GRIA4: variants seen among roughly 807,000 people sequenced by gnomAD.
GRIA4 encodes glutamate ionotropic receptor AMPA type subunit 4, also known as glutamate receptor 4.
GRIA4 carries 34 observed loss-of-function variants against 104.0 expected under a neutral mutation model. That is an observed-to-expected ratio of 0.33 (90% confidence interval 0.25 to 0.44). The LOEUF (loss-of-function observed/expected upper bound fraction) is 0.44, where lower values mean the gene tolerates loss of function less well. Among genes scored for constraint, GRIA4 ranks in the 20% least tolerant of loss-of-function variants. GRIA4 has a pLI of 1.00. For synonymous variants in GRIA4, 386 were observed against 381.9 expected (o/e 1.01, Z -0.13); for missense variants, 750 against 1,096.5 (o/e 0.68, Z 4.46).
intron 5 of GRIA4, 129 bp from the exon 6 acceptor site, chr11:105,887,390 T>C: frequency 2.0e-6 from 1 of 503,864 alleles, no homozygotes; most frequent in East Asian, 3.4e-5. Context: ...ACGTGACTTT[T>C]ATTTTTTAAA....
intron 5 of GRIA4, among the ~76,000 whole-genome samples, chr11:105,876,648 G>A (rs1945834326): frequency 6.6e-6 from 1 of 152,160 alleles, no homozygotes; most frequent in Non-Finnish European, 1.5e-5. Context: ...TTGTTGCATT[G>A]ATCCCTTTAC....
intron 11 of GRIA4, 125 bp downstream of exon 11, chr11:105,919,043 A>G: frequency 3.2e-6 from 2 of 629,540 alleles, no homozygotes; most frequent in Non-Finnish European, 5.7e-6. Flanking sequence ...AGAGGCACAT[A>G]CAGTGTTTAA....
intron 4 of GRIA4, among the ~76,000 whole-genome samples, chr11:105,785,555 T>G (rs1452438013): frequency 6.6e-6 from 1 of 152,172 alleles, no homozygotes; most frequent in Non-Finnish European, 1.5e-5. Context: ...ACCAGGCAGA[T>G]GTTGATGTAC....
chr11:105,716,366 C>T (rs1954089377), intron 3 of GRIA4, among the ~76,000 whole-genome samples: 1 of 152,050 alleles, frequency 6.6e-6, no homozygotes, highest in African/African-American at 2.4e-5. Context: ...GTATATAATT[C>T]AAATTACTTT....
chr11:105,917,064 A>C (rs1422327264), intron 10 of GRIA4, among the ~76,000 whole-genome samples: 1 of 152,148 alleles, frequency 6.6e-6, no homozygotes, highest in African/African-American at 2.4e-5. Flanking sequence ...TTATAACCAC[A>C]ATTCACCAAT....
intron 4 of GRIA4, among the ~76,000 whole-genome samples, chr11:105,835,334 T>A: frequency 6.6e-6 from 1 of 152,050 alleles, no homozygotes; most frequent in South Asian, 2.1e-4. Flanking sequence ...ACTAATACAT[T>A]TATATGATAT....
At chr11:105,848,643 C>A in intron 4 of GRIA4, among the ~76,000 whole-genome samples, 1 of 152,232 alleles carries the variant, frequency 6.6e-6, no homozygotes, top group Non-Finnish European at 1.5e-5. Context: ...TGGTGGGAAA[C>A]TAATGGTGCA....
At chr11:105,843,665 C>A (rs902326608) in intron 4 of GRIA4, among the ~76,000 whole-genome samples, 4 of 152,146 alleles carry the variant, frequency 2.6e-5, no homozygotes, top group Non-Finnish European at 4.4e-5. Flanking sequence ...AGTTCCTGGC[C>A]CTCAGTTCTA....
chr11:105,835,710 C>T (rs1944154335), intron 4 of GRIA4, among the ~76,000 whole-genome samples: 1 of 151,900 alleles, frequency 6.6e-6, no homozygotes, highest in Admixed American at 6.6e-5. Context: ...TTTTAATCAA[C>T]ATGAAAAAGA....
intron 4 of GRIA4, among the ~76,000 whole-genome samples, chr11:105,816,587 C>T (rs904799096): frequency 6.6e-6 from 1 of 152,062 alleles, no homozygotes; most frequent in African/African-American, 2.4e-5. Flanking sequence ...AAATAAACGT[C>T]TTTTCTTATA....
chr11:105,639,867 A>G (rs944880359), intron 3 of GRIA4, among the ~76,000 whole-genome samples: 2 of 151,976 alleles, frequency 1.3e-5, no homozygotes, highest in East Asian at 3.9e-4. Context: ...AGAGCAGTAA[A>G]CACTACACTT....
At chr11:105,878,838 G>A (rs184187698) in intron 5 of GRIA4, among the ~76,000 whole-genome samples, 1 of 152,298 alleles carries the variant, frequency 6.6e-6, no homozygotes, top group East Asian at 1.9e-4. Context: ...CCGTAGGGGT[G>A]GGATCCACTG....
At chr11:105,955,211 T>G (rs1948555534) in intron 14 of GRIA4, among the ~76,000 whole-genome samples, 1 of 152,084 alleles carries the variant, frequency 6.6e-6, no homozygotes, top group Non-Finnish European at 1.5e-5. Flanking sequence ...GTTACAAAGG[T>G]ATACAAGTGC....
At chr11:105,962,471 G>A (rs1213265943) in intron 14 of GRIA4, among the ~76,000 whole-genome samples, 1 of 152,100 alleles carries the variant, frequency 6.6e-6, no homozygotes, top group Non-Finnish European at 1.5e-5. Flanking sequence ...TTAAATGCTA[G>A]GTTAGTAAAG....
intron 5 of GRIA4, among the ~76,000 whole-genome samples, chr11:105,876,464 A>T (rs1945825088): frequency 6.6e-6 from 1 of 152,186 alleles, no homozygotes; most frequent in African/African-American, 2.4e-5. Flanking sequence ...AGTCCTGAAT[A>T]TCCTTGTTAA....
intron 4 of GRIA4, among the ~76,000 whole-genome samples, chr11:105,783,744 T>TTGTGTG (rs56222983): frequency 0.019 from 2,768 of 145,410 alleles, 30 homozygotes; most frequent in Admixed American, 0.04. Flanking sequence ...TGGATGTTAT[T>TTGTGTG]TGTGTGTGTG....
At chr11:105,733,154 A>G (rs1270196180) in intron 3 of GRIA4, among the ~76,000 whole-genome samples, 1 of 152,200 alleles carries the variant, frequency 6.6e-6, no homozygotes, top group Non-Finnish European at 1.5e-5. Context: ...AAGACTTAAT[A>G]CATTTTCATA....
chr11:105,638,809 T>C (rs115737983), intron 3 of GRIA4, among the ~76,000 whole-genome samples: 174 of 152,258 alleles, frequency 1.1e-3, no homozygotes, highest in African/African-American at 4.1e-3. Context: ...TTTCCTTGAA[T>C]GATCAGAGCT....
intron 14 of GRIA4, among the ~76,000 whole-genome samples, chr11:105,936,436 G>A (rs993679572): frequency 6.6e-6 from 1 of 152,068 alleles, no homozygotes; most frequent in African/African-American, 2.4e-5. Flanking sequence ...TAATAGTTCT[G>A]GATGTAGTGA....
Sources: gnomAD v4.1 joint callset for allele counts (sites outside exome capture counted in the v4.1 genomes callset) on GRCh38, gnomAD v4.1.1 for gene constraint, MANE v1.5 for transcripts, NCBI Gene and HGNC (gene_info 2026-07-23, HGNC 2026-07-21) for gene names.